Variants in EPB41L3 observed in about 807,000 individuals in gnomAD.
The protein encoded by EPB41L3 is band 4.1-like protein 3.
Under a neutral mutation model 127.1 loss-of-function variants are expected in EPB41L3, and 57 were observed. The observed-to-expected ratio is 0.45, with a 90% CI of 0.36 to 0.56. The LOEUF (loss-of-function observed/expected upper bound fraction) is 0.56. EPB41L3 is among the 20% of genes least tolerant of loss of function. EPB41L3 has a pLI of 0.00. For synonymous variants in EPB41L3, 572 were observed against 549.5 expected (o/e 1.04, Z -0.57); for missense variants, 1,273 against 1,372.2 (o/e 0.93, Z 1.14).
chr18:5,596,244 G>A (rs2094536081), intron 3 of EPB41L3, among the ~76,000 whole-genome samples: 1 of 152,200 alleles, frequency 6.6e-6, no homozygotes, highest in Admixed American at 6.5e-5. Context: ...GCAGAACACT[G>A]ATTTCTGGGT....
intron 11 of EPB41L3, among the ~76,000 whole-genome samples, chr18:5,421,947 C>A (rs549581289): frequency 6.6e-6 from 1 of 152,224 alleles, no homozygotes; most frequent in Admixed American, 6.5e-5. Flanking sequence ...TGGCCAAAAA[C>A]CGACTGCTTG....
chr18:5,474,932 G>A (rs765452966), intron 3 of EPB41L3, among the ~76,000 whole-genome samples: 22 of 152,170 alleles, frequency 1.4e-4, no homozygotes, highest in Non-Finnish European at 2.8e-4. Context: ...GGTTGACAGC[G>A]ATCATTAAAG....
intron 3 of EPB41L3, among the ~76,000 whole-genome samples, chr18:5,553,752 A>G (rs1300069569): frequency 6.6e-6 from 1 of 152,160 alleles, no homozygotes; most frequent in African/African-American, 2.4e-5. Flanking sequence ...GGTTCCTGCA[A>G]CACCTCAGCA....
In EPB41L3 at chr18:5,622,886, A is replaced by T. The variant is rs114071948; in HGVS notation, c.-468+6036T>A. On this transcript the variant is annotated intron_variant, in intron 1 of 21. Transcript: ENST00000545076. ...TGTATTTGAATTTGTTCCTGTGAAC[A>T]TTCCATGTTTGTTTTTATACTGAAG... is the stretch of plus-strand genomic sequence containing the variant. Among the ~76,000 whole-genome samples, 1,019 of 149,176 alleles carry T rather than the reference A, an allele frequency of 6.8e-3. 9 individuals are homozygous for T. The highest frequency in any genetic ancestry group is 0.024 in the African/African-American group (973 of 40,492).
chr18:5,508,591 C>A (rs1002406893), intron 1 of EPB41L3, among the ~76,000 whole-genome samples: 2 of 151,832 alleles, frequency 1.3e-5, no homozygotes, highest in East Asian at 1.9e-4. Flanking sequence ...CATGGTGAAA[C>A]CCCGTCTCTA....
At chr18:5,499,460 T>C (rs777611663) in intron 1 of EPB41L3, among the ~76,000 whole-genome samples, 6 of 152,132 alleles carry the variant, frequency 3.9e-5, no homozygotes, top group Non-Finnish European at 5.9e-5. Context: ...ATTCAAATTT[T>C]TGTAAAATTA....
At chr18:5,437,456 C>T (rs1306005544) in intron 6 of EPB41L3, among the ~76,000 whole-genome samples, 3 of 152,192 alleles carry the variant, frequency 2.0e-5, no homozygotes, top group Non-Finnish European at 4.4e-5. Context: ...TATTTTGTTA[C>T]AGCAGCCCAG....
intron 3 of EPB41L3, among the ~76,000 whole-genome samples, chr18:5,609,488 C>T (rs551991314): frequency 6.6e-6 from 1 of 152,252 alleles, no homozygotes; most frequent in African/African-American, 2.4e-5. Context: ...CATGCAAAAC[C>T]ACGGAGGGTC....
intron 1 of EPB41L3, among the ~76,000 whole-genome samples, chr18:5,628,190 A>G (rs2094944140): frequency 6.6e-6 from 1 of 152,250 alleles, no homozygotes; most frequent in African/African-American, 2.4e-5. Flanking sequence ...AATGCGATAT[A>G]GGAGATCCCA....
chr18:5,490,834 G>C (rs1449455252), intron 1 of EPB41L3, among the ~76,000 whole-genome samples: 2 of 152,208 alleles, frequency 1.3e-5, no homozygotes, highest in Admixed American at 6.5e-5. Context: ...TCTTTTGGAA[G>C]GGAAAGGATT....
intron 1 of EPB41L3, among the ~76,000 whole-genome samples, chr18:5,515,711 T>C (rs1334314259): frequency 6.6e-6 from 1 of 152,180 alleles, no homozygotes; most frequent in Non-Finnish European, 1.5e-5. Flanking sequence ...AACACAGTTG[T>C]AAGTCAAAAA....
chr18:5,584,695 A>T (rs990095560), intron 3 of EPB41L3, among the ~76,000 whole-genome samples: 3 of 152,234 alleles, frequency 2.0e-5, no homozygotes, highest in African/African-American at 4.8e-5. Flanking sequence ...ACCTTCTCTG[A>T]GTAAAATTGA....
intron 1 of EPB41L3, among the ~76,000 whole-genome samples, chr18:5,508,970 G>A (rs1173288658): frequency 6.6e-6 from 1 of 152,154 alleles, no homozygotes; most frequent in Non-Finnish European, 1.5e-5. Flanking sequence ...GGAGTGCTGA[G>A]CAGTCTCTCA....
chr18:5,407,000 A>G (rs1428310622), intron 15 of EPB41L3, 32 bp from the exon 16 acceptor site: 5 of 1,579,658 alleles, frequency 3.2e-6, no homozygotes, highest in Non-Finnish European at 4.4e-6. Context: ...TCCAACAGTC[A>G]ATGTTTTACA....
rs77110448 is a variant in EPB41L3 at position 5,491,832 on chromosome 18, A to C, written c.-11-2638T>G. Among the ~76,000 whole-genome samples the C allele has an allele frequency of 8.5e-5, 13 of 152,316 alleles. No homozygotes were observed. In the East Asian group the frequency reaches 2.5e-3, roughly 29 times the overall value. On this transcript the variant is annotated intron_variant, in intron 1 of 22. Transcript: ENST00000341928. ...AATGTACGTCTTTTTTAATGCTGGA[A>C]TCTCACTAGAATCAATATCTAATTC...
upstream of EPB41L3, among the ~76,000 whole-genome samples, chr18:5,548,632 A>C (rs2093919870): frequency 6.6e-6 from 1 of 152,072 alleles, no homozygotes; most frequent in African/African-American, 2.4e-5. Context: ...TACTTTCTCC[A>C]TTTCCAGTAA....
rs371655339 is a variant in EPB41L3, at chr18:5,397,969, G to A, written c.2472+52C>T. 3 of 1,612,116 alleles carry A rather than the reference G, an allele frequency of 1.9e-6. No individual in the cohort carries two copies. The East Asian group carries it at 6.7e-5, about 36-fold the overall frequency. On this transcript the variant is annotated intron_variant, in intron 17 of 22. Coordinates refer to ENST00000341928, the MANE Select transcript of EPB41L3 (RefSeq NM_012307.5). This position sits in a 1 kb window ranked among gnomAD's most constrained non-coding sequence, Gnocchi z 4.1. ...CACTCACGCCCAAAAAAAGGGTAAG[G>A]AAAGGCACATGGGCACATTCAGAAA...
At chr18:5,489,617 C>T (rs980635775) in intron 1 of EPB41L3, among the ~76,000 whole-genome samples, 5 of 152,154 alleles carry the variant, frequency 3.3e-5, no homozygotes, top group Admixed American at 3.3e-4. Flanking sequence ...TTCCCTCCCC[C>T]TTCCTATCTC....
At chr18:5,596,147 C>T (rs1039513321) in intron 3 of EPB41L3, among the ~76,000 whole-genome samples, 2 of 152,170 alleles carry the variant, frequency 1.3e-5, no homozygotes, top group Non-Finnish European at 2.9e-5. Context: ...AACCACTTAC[C>T]TGAAGGCCAG....
Sources: allele counts gnomAD v4.1 joint callset (sites outside exome capture counted in the v4.1 genomes callset), GRCh38; gene constraint gnomAD v4.1.1; non-coding constraint Gnocchi (gnomAD v3.1); transcripts MANE v1.5; gene names NCBI Gene and HGNC (gene_info 2026-07-23, HGNC 2026-07-21).